PSG5: variants seen among roughly 807,000 people sequenced by gnomAD.
PSG5 encodes the protein pregnancy specific beta-1-glycoprotein 5.
In PSG5, 53 loss-of-function variants were observed where a neutral mutation model predicts 37.7. The ratio of observed to expected loss-of-function variants is 1.41; its 90% confidence interval spans 1.13 to 1.77. PSG5 has a LOEUF of 1.77. PSG5 is among the 40% of genes most tolerant of loss of function. The pLI is 0.00. For synonymous variants in PSG5, 221 were observed against 155.4 expected, an observed-to-expected ratio of 1.42 and a Z score of -3.14; for missense variants, 547 against 405.2, an observed-to-expected ratio of 1.35 and a Z score of -3.00.
intron 4 of PSG5, chr19:43,170,545 A>T: frequency 2.4e-6 from 1 of 417,962 alleles, no homozygotes. Flanking sequence ...CAGAAGGCCC[A>T]CGTCCGTGCA....
Position 43,183,774 on chromosome 19 carries a change from A to G in PSG5, c.430+1008T>C, listed in dbSNP as rs564342371. On this transcript the variant is annotated intron_variant, in intron 2 of 5. Coordinates refer to ENST00000342951, the MANE Select transcript of PSG5 (RefSeq NM_002781.4). ...AGTAAGCCCTCACTTCTGGTGGAGA[A>G]GATGGGCCTGTGGCTGCAGACAGAC... Among the ~76,000 whole-genome samples, 530 of 151,052 alleles carry G rather than the reference A, an allele frequency of 3.5e-3. 6 individuals are homozygous for G. Among genetic ancestry groups the G allele is most frequent in the African/African-American group, 0.012 (503 of 40,964 alleles).
intron 2 of PSG5, among the ~76,000 whole-genome samples, chr19:43,183,741 T>G (rs1279148431): frequency 6.7e-6 from 1 of 149,978 alleles, no homozygotes; most frequent in East Asian, 1.9e-4. Context: ...ATGGGGTCCT[T>G]GGAACCCAGT....
chr19:43,168,861 T>C lies in PSG5; in HGVS notation c.*41-658A>G, dbSNP rs569539170. Among the ~76,000 whole-genome samples the C allele has an allele frequency of 9.2e-5, 14 of 151,576 alleles. 1 individual carries two copies. The highest frequency in any genetic ancestry group is 3.2e-4 in the African/African-American group (13 of 41,094). On this transcript the variant is annotated intron_variant, in intron 5 of 5. Transcript: ENST00000342951. ...GCCCATTCATAAATAGGGCCAAAAATGTATAGTCTTATGTATGTTGAAAAA... is the reference window on the plus strand; with the variant it reads ...GCCCATTCATAAATAGGGCCAAAAACGTATAGTCTTATGTATGTTGAAAAA...
At chr19:43,184,282 GAC>G (rs781750435) in intron 2 of PSG5, among the ~76,000 whole-genome samples, 8 of 151,844 alleles carry the variant, frequency 5.3e-5, no homozygotes, top group Admixed American at 2.6e-4. Flanking sequence ...ACAGTCCTCA[GAC>G]AGCTGGTAAA....
chr19:43,174,130 A>G (rs1238446522), intron 4 of PSG5: 2 of 151,778 alleles, frequency 1.3e-5, no homozygotes, highest in East Asian at 1.9e-4. Flanking sequence ...TAATTATCAT[A>G]TAATTCCATT....
At chr19:43,179,473 T>C (rs766211286) in intron 2 of PSG5, among the ~76,000 whole-genome samples, 1 of 151,742 alleles carries the variant, frequency 6.6e-6, no homozygotes, top group Non-Finnish European at 1.5e-5. Context: ...ACTGCCTGCC[T>C]GACCCACCTT....
chr19:43,184,154 T>A (rs1049223176), intron 2 of PSG5, among the ~76,000 whole-genome samples: 2 of 151,712 alleles, frequency 1.3e-5, no homozygotes, highest in Non-Finnish European at 2.9e-5. Context: ...TTGGCTGATG[T>A]CCTACAAAGC....
intron 2 of PSG5, chr19:43,180,682 T>C (rs927867808): frequency 6.6e-6 from 1 of 151,638 alleles, no homozygotes. Flanking sequence ...CTAAGATCAA[T>C]TGCTGGTAGT....
In PSG5 at chr19:43,175,264, G is replaced by A. The variant is rs550647828; in HGVS notation, c.915C>T (p.Asn305=). The A allele has an allele frequency of 4.3e-6, 7 of 1,612,756 alleles. No individual in the cohort carries two copies. In the East Asian group the frequency reaches 8.9e-5, roughly 21 times the overall value. The part of the protein sequence containing the change: ...HRGLYTCSVR[N]SATGKESSKS... ...TGGAGCTTTCCTTGCCAGTAGCTGA[G>A]TTACGAACAGAGCAAGTATAGAGCC... is the stretch of plus-strand genomic sequence containing the variant. The change falls in exon 4 of 6, where the codon AAC becomes AAT. Residue 305 remains asparagine (N), a synonymous_variant. Transcript: ENST00000342951.
chr19:43,170,222 G>T, intron 4 of PSG5, 84 bp from the exon 5 acceptor site: 1 of 1,187,858 alleles, frequency 8.4e-7, no homozygotes, highest in Non-Finnish European at 1.2e-6. Flanking sequence ...TGTAGCATGA[G>T]GTACTCTATA....
chr19:43,183,532 C>T, intron 2 of PSG5: 1 of 509,332 alleles, frequency 2.0e-6, no homozygotes, highest in Non-Finnish European at 4.0e-6. Context: ...GACATGGGCA[C>T]TTTGGGAAAC....
intron 2 of PSG5, chr19:43,183,283 G>C: frequency 2.7e-6 from 1 of 364,432 alleles, no homozygotes; most frequent in South Asian, 2.0e-5. Flanking sequence ...AGGTAGTGGG[G>C]GGATGAAACA....
intron 4 of PSG5, chr19:43,170,617 G>A (rs1968886005): frequency 1.0e-5 from 3 of 290,806 alleles, no homozygotes; most frequent in Middle Eastern, 1.5e-3. Context: ...CAGGAAGGGC[G>A]TGAAAGCAAG....
intron 4 of PSG5, among the ~76,000 whole-genome samples, chr19:43,171,674 G>T (rs1254064551): frequency 7.3e-5 from 11 of 151,456 alleles, no homozygotes; most frequent in African/African-American, 2.2e-4. Context: ...ACTCAAATCA[G>T]AAATGAAAAT....
intron 1 of PSG5, 72 bp downstream of exon 1, chr19:43,186,270 T>A: frequency 6.2e-7 from 1 of 1,604,910 alleles, no homozygotes; most frequent in Non-Finnish European, 8.5e-7. Context: ...TAGAACCCCA[T>A]CCTCTCCAGG....
chr19:43,175,435 G>A lies in PSG5; in HGVS notation c.744C>T (p.Phe248=), dbSNP rs776645168. The A allele has an allele frequency of 1.2e-6, 2 of 1,612,358 alleles. No homozygotes were observed. The highest frequency in any genetic ancestry group is 1.1e-5 in the South Asian group (1 of 91,028). Residue 248 remains phenylalanine, a synonymous_variant, in exon 4 of 6, where the codon TTC becomes TTT. Transcript: ENST00000342951. ...GGTTTTCTCCTGAACGGTAATAGGTGAATGAAGGGTAAATGCTGGGGAGGT... is the reference window on the plus strand; with the variant it reads ...GGTTTTCTCCTGAACGGTAATAGGTAAATGAAGGGTAAATGCTGGGGAGGT... ...GPDLPSIYPS[F]TYYRSGENLY...
chr19:43,175,883 G>A lies in PSG5; in HGVS notation c.696C>T (p.Thr232=), dbSNP rs751168242. 8 of 1,612,416 alleles carry A rather than the reference G, an allele frequency of 5.0e-6. No individual in the cohort carries two copies. The highest frequency in any genetic ancestry group is 6.8e-6 in the Non-Finnish European group (8 of 1,179,128). Residue 232 remains threonine, a synonymous_variant, in exon 3 of 6, where the codon ACC becomes ACT. Transcript: ENST00000342951. Reference sequence around the variant, plus strand: ...AAAGATACTCACAGAGGACATTCAGGGTGACTGGGTCACTGCGCATGCCAC... The same window carrying A: ...AAAGATACTCACAGAGGACATTCAGAGTGACTGGGTCACTGCGCATGCCAC... ...RDGGMRSDPV[T]LNVLYGPDLP...
chr19:43,174,182 T>G (rs1968957550), intron 4 of PSG5: 1 of 151,886 alleles, frequency 6.6e-6, no homozygotes, highest in Non-Finnish European at 1.5e-5. Context: ...AGAGACAGAA[T>G]GTAGAATGGT....
Position 43,170,117 on chromosome 19 carries a change from A to C in PSG5, c.986T>G (p.Leu329Arg). The C allele has an allele frequency of 1.3e-6, 2 of 1,588,746 alleles. No homozygotes were observed. Among genetic ancestry groups the C allele is most frequent in the Non-Finnish European group, 8.6e-7 (1 of 1,161,476 alleles). Reference protein sequence around the residue: ...EVSAPSGIGRLPLLNPI With the variant: ...EVSAPSGIGRRPLLNPI ...CTGCTATATTGGATTAAGGAGAGGA[A>C]GACGTCCTATTCCTGAAGGAGCTGT... The change falls in exon 5 of 6, where the codon CTT becomes CGT. Residue 329 changes from leucine (L) to arginine (R), a missense_variant. By Grantham distance (102) the Leu-to-Arg change is moderately radical. Coordinates refer to ENST00000342951, the MANE Select transcript of PSG5 (RefSeq NM_002781.4).
Sources: gnomAD v4.1 joint callset for allele counts (sites outside exome capture counted in the v4.1 genomes callset) on GRCh38, gnomAD v4.1.1 for gene constraint, MANE v1.5 for transcripts, NCBI Gene and HGNC (gene_info 2026-07-23, HGNC 2026-07-21) for gene names.